Variants in GRID2 observed in about 807,000 individuals in gnomAD.
GRID2 encodes the protein glutamate ionotropic receptor delta type subunit 2.
A neutral mutation model predicts 114.8 loss-of-function variants in GRID2; 33 were observed. The ratio of observed to expected loss-of-function variants is 0.29; its 90% CI spans 0.22 to 0.38. The LOEUF is 0.38. Among genes scored for constraint, GRID2 ranks in the 10% least tolerant of loss-of-function variants. The pLI, the probability that GRID2 is intolerant of heterozygous loss-of-function variation, is 1.00. For missense variants in GRID2, 1,184 were observed against 1,257.7 expected, an observed-to-expected ratio of 0.94 and a Z score of 0.89; for synonymous variants, 505 against 449.9, an observed-to-expected ratio of 1.12 and a Z score of -1.55.
At chr4:93,429,588 C>A (rs1769204274) in intron 10 of GRID2, among the ~76,000 whole-genome samples, 1 of 152,060 alleles carries the variant, frequency 6.6e-6, no homozygotes, top group Non-Finnish European at 1.5e-5. Flanking sequence ...TCTCTTCATG[C>A]TAACTGATTA....
intron 11 of GRID2, among the ~76,000 whole-genome samples, chr4:93,489,184 T>G (rs903219717): frequency 6.6e-6 from 1 of 151,964 alleles, no homozygotes; most frequent in Admixed American, 6.6e-5. Flanking sequence ...TTATTTTAGA[T>G]AGAGTGGTGA....
intron 2 of GRID2, among the ~76,000 whole-genome samples, chr4:93,077,173 G>C (rs1315448335): frequency 6.6e-6 from 1 of 152,128 alleles, no homozygotes; most frequent in Non-Finnish European, 1.5e-5. Context: ...TTTCAAAAAA[G>C]AATAGTTTTG....
intron 2 of GRID2, among the ~76,000 whole-genome samples, chr4:92,764,047 C>A (rs982641176): frequency 1.3e-5 from 2 of 152,186 alleles, no homozygotes; most frequent in Admixed American, 1.3e-4. Context: ...CAGCCTACTT[C>A]CATCTGGTTC....
At chr4:92,525,395 C>T (rs1470991433) in intron 1 of GRID2, among the ~76,000 whole-genome samples, 1 of 151,946 alleles carries the variant, frequency 6.6e-6, no homozygotes, top group Non-Finnish European at 1.5e-5. Flanking sequence ...TCAAATGGAC[C>T]TTACATACCC....
chr4:92,456,522 A>G (rs1334948739), intron 1 of GRID2, among the ~76,000 whole-genome samples: 1 of 152,182 alleles, frequency 6.6e-6, no homozygotes, highest in African/African-American at 2.4e-5. Flanking sequence ...CACTGAATAC[A>G]CTAGGTAGTG....
chr4:92,636,898 A>T (rs1057146937), intron 2 of GRID2, among the ~76,000 whole-genome samples: 1 of 151,914 alleles, frequency 6.6e-6, no homozygotes, highest in African/African-American at 2.4e-5. Flanking sequence ...TATTTGTAAG[A>T]GTAAGGGAAA....
At chr4:93,516,100 T>A (rs1440295968) in intron 13 of GRID2, among the ~76,000 whole-genome samples, 1 of 152,154 alleles carries the variant, frequency 6.6e-6, no homozygotes, top group Non-Finnish European at 1.5e-5. Context: ...TTATCTCTAG[T>A]GACTAGCCTA....
chr4:93,190,004 G>T (rs560733275), intron 4 of GRID2, among the ~76,000 whole-genome samples: 1 of 152,052 alleles, frequency 6.6e-6, no homozygotes, highest in East Asian at 1.9e-4. Context: ...CTTTGGATGA[G>T]CATATTTACA....
chr4:92,816,740 G>C (rs1244949301), intron 2 of GRID2, among the ~76,000 whole-genome samples: 1 of 152,032 alleles, frequency 6.6e-6, no homozygotes, highest in East Asian at 1.9e-4. Flanking sequence ...CTGGAAAATG[G>C]GGATTCTAAT....
intron 1 of GRID2, among the ~76,000 whole-genome samples, chr4:92,335,039 G>A (rs1341634918): frequency 6.6e-6 from 1 of 152,142 alleles, no homozygotes; most frequent in Non-Finnish European, 1.5e-5. Flanking sequence ...TGATACAATA[G>A]GTAGTCAATA....
At chr4:93,546,379 G>T (rs777735011) in intron 13 of GRID2, among the ~76,000 whole-genome samples, 23 of 152,332 alleles carry the variant, frequency 1.5e-4, no homozygotes, top group Middle Eastern at 6.8e-3. Context: ...GAGATACCCT[G>T]AGGAGAAAAT....
intron 2 of GRID2, among the ~76,000 whole-genome samples, chr4:92,901,998 G>T (rs1747617277): frequency 6.6e-6 from 1 of 151,940 alleles, no homozygotes; most frequent in South Asian, 2.1e-4. Flanking sequence ...CTGTTCCTGG[G>T]CTTTGTTTGT....
chr4:93,614,084 T>C (rs1013103858), intron 13 of GRID2, among the ~76,000 whole-genome samples: 5 of 152,084 alleles, frequency 3.3e-5, no homozygotes, highest in Admixed American at 1.3e-4. Flanking sequence ...TCCAGGTGCG[T>C]CCGTCACCCC....
chr4:93,425,112 A>G (rs1411294549), intron 10 of GRID2, among the ~76,000 whole-genome samples: 4 of 152,054 alleles, frequency 2.6e-5, no homozygotes, highest in Admixed American at 2.0e-4. Flanking sequence ...GGCTTCTTTA[A>G]AGTCCTTGTT....
Position 93,110,898 on chromosome 4 carries a change from T to G in GRID2, c.680T>G (p.Leu227Arg). 1 of 1,613,176 alleles carries G rather than the reference T, an allele frequency of 6.2e-7. No individual in the cohort carries two copies. Among genetic ancestry groups the G allele is most frequent in the Non-Finnish European group, 8.5e-7 (1 of 1,179,092 alleles). ...GAACTGAATCGCTATCGAGACACTC[T>G]TAGGCGAGCGATCCTTGTTATGAAT... Reference protein sequence around the residue: ...IEELNRYRDTLRRAILVMNPA... With the variant: ...IEELNRYRDTRRRAILVMNPA... Residue 227 changes from leucine to arginine, a missense_variant, in exon 4 of 16, where the codon CTT becomes CGT. This residue lies in a region of GRID2 where 455 missense variants were observed against 429.5 expected (regional missense o/e 1.06). Coordinates refer to ENST00000282020, the MANE Select transcript of GRID2 (RefSeq NM_001510.4).
chr4:93,777,953 A>T (rs182421460), downstream of GRID2, among the ~76,000 whole-genome samples: 1 of 152,322 alleles, frequency 6.6e-6, no homozygotes, highest in East Asian at 1.9e-4. Context: ...AAAATTGGAC[A>T]TCAGTATTAT....
chr4:93,163,396 A>ATATG lies in GRID2; in HGVS notation c.736-44005_736-44004insGTAT, dbSNP rs1202883801. 8.1e-4 allele frequency among the ~76,000 whole-genome samples: 34 copies of ATATG among 41,828 alleles called. 1 individual carries two copies. Among genetic ancestry groups the ATATG allele is most frequent in the African/African-American group, 3.1e-3 (34 of 10,974 alleles). The allele number at this position is 41,828 out of a possible 152,430, so 27.4% of individuals were successfully genotyped here. On this transcript the variant is annotated intron_variant, in intron 4 of 15. Transcript: ENST00000282020. ...TATATATATATATATATATATATAT[A>ATATG]TATACACTATATATATACATACATG...
At chr4:93,740,331 C>A (rs1578706929) in intron 14 of GRID2, among the ~76,000 whole-genome samples, 1 of 152,124 alleles carries the variant, frequency 6.6e-6, no homozygotes, top group Non-Finnish European at 1.5e-5. Flanking sequence ...CTCCGCCAAG[C>A]AACCCATGAC....
intron 2 of GRID2, among the ~76,000 whole-genome samples, chr4:92,842,195 C>T (rs777594912): frequency 7.9e-5 from 12 of 152,116 alleles, no homozygotes; most frequent in Non-Finnish European, 1.5e-4. Context: ...TTTGGTGCTA[C>T]TGTACACAAT....
Sources: allele counts gnomAD v4.1 joint callset (sites outside exome capture counted in the v4.1 genomes callset), GRCh38; gene constraint gnomAD v4.1.1; regional missense constraint gnomAD v4.1.1; transcripts MANE v1.5; gene names NCBI Gene and HGNC (gene_info 2026-07-23, HGNC 2026-07-21).